FBLN5: variants seen among roughly 807,000 people sequenced by gnomAD.
The protein encoded by FBLN5 is fibulin-5.
A neutral mutation model predicts 61.6 loss-of-function variants in FBLN5; 24 were observed. That is an observed-to-expected ratio of 0.39 (90% CI 0.28 to 0.55). The LOEUF (loss-of-function observed/expected upper bound fraction) is 0.55. Among genes scored for constraint, FBLN5 ranks in the 20% least tolerant of loss-of-function variants. The pLI is 0.65. For synonymous variants in FBLN5, 213 were observed against 219.8 expected, an observed-to-expected ratio of 0.97 and a Z score of 0.27; for missense variants, 470 against 594.1, an observed-to-expected ratio of 0.79 and a Z score of 2.17.
At chr14:91,930,367 A>AT (rs1168327066) in intron 4 of FBLN5, among the ~76,000 whole-genome samples, 1 of 152,114 alleles carries the variant, frequency 6.6e-6, no homozygotes, top group Non-Finnish European at 1.5e-5. Context: ...AAGGTGGGAA[A>AT]CCTGGGGAGG....
At chr14:91,919,705 A>C (rs1033348661) in intron 4 of FBLN5, among the ~76,000 whole-genome samples, 2 of 152,260 alleles carry the variant, frequency 1.3e-5, no homozygotes, top group Non-Finnish European at 2.9e-5. Flanking sequence ...AGACAAAGTC[A>C]AGTAAAGGAA....
At chr14:91,897,773 C>T (rs751505851) in intron 4 of FBLN5, among the ~76,000 whole-genome samples, 36 of 152,216 alleles carry the variant, frequency 2.4e-4, no homozygotes, top group Non-Finnish European at 2.5e-4. Context: ...CTCAGCCAGG[C>T]GCAGTGGCTC....
intron 1 of FBLN5, chr14:91,946,631 TTAGG>T: frequency 8.9e-7 from 1 of 1,129,728 alleles, no homozygotes; most frequent in Non-Finnish European, 1.3e-6. Flanking sequence ...TGGGTGTCAT[TTAGG>T]TAAAGTTCTC....
intron 4 of FBLN5, among the ~76,000 whole-genome samples, chr14:91,917,836 A>G (rs550001872): frequency 1.3e-5 from 2 of 152,332 alleles, no homozygotes; most frequent in South Asian, 4.1e-4. Context: ...AAGGTAAATG[A>G]GAAATTTGCT....
intron 6 of FBLN5, among the ~76,000 whole-genome samples, chr14:91,890,300 A>G (rs1040948914): frequency 6.6e-6 from 1 of 152,190 alleles, no homozygotes; most frequent in African/African-American, 2.4e-5. Context: ...TCCAAACTCA[A>G]TGGCCAGGAG....
rs918678350 is a variant in FBLN5 at position 91,892,363 on chromosome 14, C to A, written c.503-1026G>T. ...AATCTAACCAGGTTTCCTCCCTGGT[C>A]CCCCTGTTCCTTTGGAACCAGGGGC... is the stretch of plus-strand genomic sequence containing the variant. On this transcript the variant is annotated intron_variant, in intron 5 of 10. Coordinates refer to ENST00000342058, the MANE Select transcript of FBLN5 (RefSeq NM_006329.4). Among the ~76,000 whole-genome samples, 5 of 152,234 alleles carry A rather than the reference C, an allele frequency of 3.3e-5. No individual in the cohort carries two copies. In the East Asian group the frequency reaches 7.7e-4, roughly 24 times the overall value.
Position 91,886,656 on chromosome 14 carries a change from AT to A in FBLN5, c.739+536del, listed in dbSNP as rs11458593. 3.1e-3 allele frequency among the ~76,000 whole-genome samples: 474 copies of A among 151,154 alleles called. 2 individuals are homozygous for A. Among genetic ancestry groups the A allele is most frequent in the African/African-American group, 9.6e-3 (396 of 41,154 alleles). Reference sequence around the variant, plus strand: ...TCATTTATCCATTGATTCGAGAACTATTTTTTTTTGCATGTTCCCTGGGTGC... The same window carrying A: ...TCATTTATCCATTGATTCGAGAACTATTTTTTTTGCATGTTCCCTGGGTGC... On this transcript the variant is annotated intron_variant, in intron 7 of 10. Coordinates refer to ENST00000342058, the MANE Select transcript of FBLN5 (RefSeq NM_006329.4).
intron 9 of FBLN5, chr14:91,878,051 A>C (rs1440543022): frequency 2.5e-6 from 1 of 400,860 alleles, no homozygotes; most frequent in East Asian, 7.2e-5. Context: ...AAAACAAAAC[A>C]AAAAAAAAGG....
chr14:91,896,112 C>T (rs946366375), intron 4 of FBLN5, among the ~76,000 whole-genome samples: 25 of 152,186 alleles, frequency 1.6e-4, no homozygotes, highest in African/African-American at 5.5e-4. Flanking sequence ...TGTGGACAGT[C>T]AGTGCTCAAA....
chr14:91,928,340 T>C (rs7158871), intron 4 of FBLN5, among the ~76,000 whole-genome samples: 145 of 152,378 alleles, frequency 9.5e-4, no homozygotes, highest in African/African-American at 3.4e-3. Flanking sequence ...TTTCTGTGTG[T>C]GCCTTGAACC....
At chr14:91,904,685 T>G (rs1363957393) in intron 4 of FBLN5, among the ~76,000 whole-genome samples, 2 of 152,218 alleles carry the variant, frequency 1.3e-5, no homozygotes, top group Non-Finnish European at 2.9e-5. Context: ...GGGTTCTTCA[T>G]CCCCTTATCA....
chr14:91,926,291 G>GA (rs1331794803), intron 4 of FBLN5, among the ~76,000 whole-genome samples: 3 of 152,178 alleles, frequency 2.0e-5, no homozygotes, highest in Non-Finnish European at 4.4e-5. Context: ...TCAAGGCCCA[G>GA]GGCTGGCTGC....
chr14:91,924,878 C>T lies in FBLN5; in HGVS notation c.379+12069G>A, dbSNP rs144529740. ...TTCATCCCTGTCCCCACGGAGAAGG[C>T]CACCCCTCACTCAGCTCAGATGCAG... On this transcript the variant is annotated intron_variant, in intron 4 of 10. Coordinates refer to ENST00000342058, the MANE Select transcript of FBLN5 (RefSeq NM_006329.4). Among the ~76,000 whole-genome samples the T allele has an allele frequency of 3.7e-4, 56 of 152,260 alleles. 1 individual carries two copies. In the East Asian group the frequency reaches 0.01, roughly 27 times the overall value.
rs1888823324 is a variant in FBLN5 at position 91,869,586 on chromosome 14, C to A, written c.*638G>T. ...TGTCTGAAGGCCTTTCGAAGGAATT[C>A]TACGACATATTTTTTAAAAATACTC... On this transcript the variant is annotated 3_prime_UTR_variant, in exon 11 of 11. Transcript: ENST00000342058. 6.5e-6 allele frequency: 1 copy of A among 154,484 alleles called. No individual in the cohort carries two copies. Among genetic ancestry groups the A allele is most frequent in the African/African-American group, 2.4e-5 (1 of 41,430 alleles). The allele number at this position is 154,484 out of a possible 1,614,324, so 9.6% of individuals were successfully genotyped here.
intron 4 of FBLN5, among the ~76,000 whole-genome samples, chr14:91,910,015 C>T (rs1401033664): frequency 6.6e-6 from 1 of 152,208 alleles, no homozygotes; most frequent in African/African-American, 2.4e-5. Flanking sequence ...AGCAATATTA[C>T]TTCTGGATAT....
chr14:91,889,621 G>C (rs1337557553), intron 6 of FBLN5, among the ~76,000 whole-genome samples: 1 of 152,168 alleles, frequency 6.6e-6, no homozygotes, highest in Admixed American at 6.5e-5. Context: ...TTTATTATTT[G>C]GGTTCAGTGA....
chr14:91,914,014 G>A (rs1337972910), intron 4 of FBLN5, among the ~76,000 whole-genome samples: 2 of 152,134 alleles, frequency 1.3e-5, no homozygotes, highest in Admixed American at 6.5e-5. Context: ...AAGAAGAAAG[G>A]CTTACAGTTA....
intron 4 of FBLN5, among the ~76,000 whole-genome samples, chr14:91,904,178 GCA>G (rs1447503475): frequency 3.0e-4 from 46 of 152,124 alleles, no homozygotes; most frequent in Admixed American, 3.0e-3. Context: ...CATAGCTTAA[GCA>G]CCCCACACAG....
rs1393406974 is a variant in FBLN5 at position 91,871,052 on chromosome 14, G to T, written c.1186-667C>A. On this transcript the variant is annotated intron_variant, in intron 10 of 10. Coordinates refer to ENST00000342058, the MANE Select transcript of FBLN5 (RefSeq NM_006329.4). ...AGGGGATTGAAAAACTACCTACTGG[G>T]TACTATGCTTATTACCTGGGTGATG... 3.3e-5 allele frequency among the ~76,000 whole-genome samples: 5 copies of T among 151,982 alleles called. No homozygotes were observed. The South Asian group carries it at 1.0e-3, about 32-fold the overall frequency.
Sources: gnomAD v4.1 joint callset for allele counts (sites outside exome capture counted in the v4.1 genomes callset) on GRCh38, gnomAD v4.1.1 for gene constraint, MANE v1.5 for transcripts, NCBI Gene and HGNC (gene_info 2026-07-23, HGNC 2026-07-21) for gene names.